CHD4: variants seen among roughly 807,000 people sequenced by gnomAD.
CHD4 encodes the protein ATP-dependent chromatin remodeler CHD4.
In CHD4, 35 loss-of-function variants were observed where a neutral mutation model predicts 235.5. That is an observed-to-expected ratio of 0.15 (90% confidence interval 0.11 to 0.20). CHD4 has a LOEUF of 0.20. Ranked by LOEUF, CHD4 falls within the 10% of genes least tolerant of loss-of-function variation. The pLI, the probability that CHD4 is intolerant of heterozygous loss-of-function variation, is 1.00. For missense variants in CHD4, 1,329 were observed against 2,432.3 expected, an observed-to-expected ratio of 0.55 and a Z score of 9.54; for synonymous variants, 900 against 850.2, an observed-to-expected ratio of 1.06 and a Z score of -1.02.
chr12:6,583,460 GC>G, intron 25 of CHD4, 82 bp from the exon 26 acceptor site: 1 of 1,230,424 alleles, frequency 8.1e-7, no homozygotes, highest in Non-Finnish European at 1.1e-6. Flanking sequence ...TTCCCACTCT[GC>G]TAGCTCCTTT....
chr12:6,605,990 T>C (rs895024114), intron 2 of CHD4, among the ~76,000 whole-genome samples: 1 of 152,072 alleles, frequency 6.6e-6, no homozygotes, highest in African/African-American at 2.4e-5. Flanking sequence ...AGGACCCACA[T>C]ACCAGGTAAT....
chr12:6,599,741 A>AT (rs745876689), intron 10 of CHD4, 32 bp downstream of exon 10: 229 of 1,613,348 alleles, frequency 1.4e-4, no homozygotes, highest in Admixed American at 1.8e-4. Flanking sequence ...ACACTTTCCC[A>AT]TTTTTTGCCC....
Position 6,571,030 on chromosome 12 carries a change from G to C in CHD4, c.5560C>G (p.Leu1854Val). ...KPANAVLHKVLKQLEELLSDM... is the reference protein window; with the variant it reads ...KPANAVLHKVVKQLEELLSDM... ...CTCAGCAGTTCTTCCAGCTGTTTCA[G>C]AACTGCATAGGGAGAAAAAGAGGTG... The change falls in exon 39 of 40, where the codon CTG becomes GTG. Residue 1854 changes from leucine to valine, a missense_variant and splice_region_variant. Coordinates refer to ENST00000544040, the MANE Select transcript of CHD4 (RefSeq NM_001273.5). 1 of 1,613,994 alleles carries C rather than the reference G, an allele frequency of 6.2e-7. No individual in the cohort carries two copies. Among genetic ancestry groups the C allele is most frequent in the Non-Finnish European group, 8.5e-7 (1 of 1,179,952 alleles).
At chr12:6,594,116 T>A (rs561250559) in intron 15 of CHD4, among the ~76,000 whole-genome samples, 2 of 152,304 alleles carry the variant, frequency 1.3e-5, no homozygotes, top group East Asian at 3.9e-4. Context: ...ATTACAGGTA[T>A]GAGCCACTGC....
At chr12:6,580,906 G>A (rs978059404) in intron 33 of CHD4, 138 bp downstream of exon 33, 34 of 889,842 alleles carry the variant, frequency 3.8e-5, no homozygotes, top group Non-Finnish European at 5.8e-5. Context: ...CCTCGGGAGG[G>A]TGAGGCAGGA....
intron 19 of CHD4, 137 bp downstream of exon 19, chr12:6,592,256 G>T: frequency 2.3e-6 from 3 of 1,284,220 alleles, no homozygotes; most frequent in South Asian, 2.9e-5. Context: ...GCGCTCCAGC[G>T]CCCTAGCATC....
intron 22 of CHD4, chr12:6,591,239 A>T: frequency 2.1e-6 from 1 of 477,086 alleles, no homozygotes; most frequent in East Asian, 3.5e-5. Flanking sequence ...TGCCCTCGAG[A>T]TACAATGCTT....
intron 29 of CHD4, 149 bp from the exon 30 acceptor site, chr12:6,582,430 A>C: frequency 7.6e-7 from 1 of 1,307,930 alleles, no homozygotes; most frequent in Admixed American, 2.3e-5. Flanking sequence ...TGATCTCTAG[A>C]CCCCACAAGA....
intron 7 of CHD4, 60 bp downstream of exon 7, chr12:6,600,866 A>T (rs1389802985): frequency 5.2e-6 from 8 of 1,528,208 alleles, no homozygotes; most frequent in Middle Eastern, 3.5e-4. Context: ...TTCTGATAGA[A>T]GGTCACATCC....
At chr12:6,571,139 T>TG in intron 38 of CHD4, 107 bp from the exon 39 acceptor site, 1 of 1,306,692 alleles carries the variant, frequency 7.7e-7, no homozygotes, top group Non-Finnish European at 1.1e-6. Flanking sequence ...GTAACTGTGA[T>TG]GTATTGTCTT....
At chr12:6,598,499 TC>T in intron 10 of CHD4, 74 bp from the exon 11 acceptor site, 1 of 1,237,802 alleles carries the variant, frequency 8.1e-7, no homozygotes, top group Non-Finnish European at 1.1e-6. Flanking sequence ...AGTCTCAACT[TC>T]ATCAAAGGAC....
chr12:6,579,659 G>C (rs1247169668), intron 33 of CHD4: 1 of 151,288 alleles, frequency 6.6e-6, no homozygotes, highest in South Asian at 2.1e-4. Flanking sequence ...ACTGAGGCAG[G>C]AGAATCACTT....
rs1316818961 is a variant in CHD4, at chr12:6,592,577, A to G, written c.2775-11T>C. ...AAACCTTCCAAATTGCTTCAGAAAGAAAAAGGAAAAAAGTTATTGGAGAAG... is the reference window on the plus strand; with the variant it reads ...AAACCTTCCAAATTGCTTCAGAAAGGAAAAGGAAAAAAGTTATTGGAGAAG... On this transcript the variant is annotated splice_polypyrimidine_tract_variant and intron_variant, in intron 18 of 39. Transcript: ENST00000544040. The G allele has an allele frequency of 3.8e-6, 6 of 1,581,124 alleles. No homozygotes were observed. In the Admixed American group the frequency reaches 1.1e-4, roughly 29 times the overall value.
chr12:6,572,405 A>G (rs1345863859), intron 38 of CHD4, among the ~76,000 whole-genome samples: 4 of 151,116 alleles, frequency 2.6e-5, no homozygotes, highest in African/African-American at 9.7e-5. Flanking sequence ...CAGCCTGGGC[A>G]ACAGAGCTAG....
intron 2 of CHD4, among the ~76,000 whole-genome samples, chr12:6,605,642 C>T (rs1948681602): frequency 6.6e-6 from 1 of 152,170 alleles, no homozygotes; most frequent in Admixed American, 6.5e-5. Context: ...TCTTTTGCCC[C>T]TCTTCACTAG....
chr12:6,596,486 T>TG (rs1027083769), intron 12 of CHD4, among the ~76,000 whole-genome samples: 4 of 109,320 alleles, frequency 3.7e-5, no homozygotes, highest in African/African-American at 1.4e-4. Flanking sequence ...CCGTCTCTAC[T>TG]AAAAAAAAAA....
At chr12:6,584,068 T>G (rs1948239851) in intron 25 of CHD4, 2 of 152,194 alleles carry the variant, frequency 1.3e-5, no homozygotes, top group Non-Finnish European at 2.9e-5. Context: ...TCCGCACCTG[T>G]GGATTCAAAC....
intron 25 of CHD4, 184 bp from the exon 26 acceptor site, chr12:6,583,562 A>ACACTGCTCCT (rs1948230249): frequency 1.5e-5 from 8 of 548,932 alleles, no homozygotes; most frequent in Non-Finnish European, 1.9e-5. Context: ...CCTCATAATT[A>ACACTGCTCCT]CATATAGATT....
chr12:6,573,922 G>C (rs887639568), intron 37 of CHD4, among the ~76,000 whole-genome samples: 1 of 151,962 alleles, frequency 6.6e-6, no homozygotes, highest in African/African-American at 2.4e-5. Context: ...TACTCAAGAG[G>C]TTGAGGCAGA....
Sources: gnomAD v4.1 joint callset for allele counts (sites outside exome capture counted in the v4.1 genomes callset) on GRCh38, gnomAD v4.1.1 for gene constraint, MANE v1.5 for transcripts, NCBI Gene and HGNC (gene_info 2026-07-23, HGNC 2026-07-21) for gene names.